The following FSIP1 variants were observed in gnomAD, a reference collection of about 807,000 sequenced individuals.
FSIP1 encodes fibrous sheath-interacting protein 1.
FSIP1 carries 65 observed loss-of-function variants against 60.9 expected under a neutral mutation model. The ratio of observed to expected loss-of-function variants is 1.07; its 90% CI spans 0.87 to 1.31. FSIP1 has a LOEUF of 1.31. FSIP1 is among the 40% of genes most tolerant of loss of function. The pLI, the probability that FSIP1 is intolerant of heterozygous loss-of-function variation, is 0.00. For synonymous variants in FSIP1, 209 were observed against 221.2 expected, an observed-to-expected ratio of 0.94 and a Z score of 0.49; for missense variants, 675 against 665.5, an observed-to-expected ratio of 1.01 and a Z score of -0.16.
chr15:39,649,566 C>T (rs1405472886), intron 10 of FSIP1, among the ~76,000 whole-genome samples: 1 of 152,194 alleles, frequency 6.6e-6, no homozygotes, highest in African/African-American at 2.4e-5. Flanking sequence ...AATATGTGAC[C>T]TACTACTACC....
chr15:39,696,063 A>AG (rs1247511884), intron 10 of FSIP1, among the ~76,000 whole-genome samples: 1 of 152,228 alleles, frequency 6.6e-6, no homozygotes, highest in Non-Finnish European at 1.5e-5. Flanking sequence ...AAGTATATAA[A>AG]TGCTTTTGAT....
intron 8 of FSIP1, among the ~76,000 whole-genome samples, chr15:39,736,710 T>A (rs1035604003): frequency 6.6e-6 from 1 of 152,158 alleles, no homozygotes; most frequent in Non-Finnish European, 1.5e-5. Context: ...ATGTGGAAAC[T>A]AAGACAAGGA....
At position 39,720,840 on chromosome 15, in the gene FSIP1, T is replaced by A. The variant is rs74008682; in HGVS notation, c.1050+5749A>T. Among the ~76,000 whole-genome samples, 1,223 of 152,256 alleles carry A rather than the reference T, an allele frequency of 8.0e-3. 17 individuals carry two copies. The highest frequency in any genetic ancestry group is 0.025 in the African/African-American group (1,052 of 41,540). On this transcript the variant is annotated intron_variant, in intron 9 of 11. Transcript: ENST00000350221. ...AAAGTATGCACAGTTAAACCACAGA[T>A]CTTAAGAAAAAATTGCTTCAATTAG...
At chr15:39,780,490 G>A (rs185875684) in intron 1 of FSIP1, among the ~76,000 whole-genome samples, 2 of 152,054 alleles carry the variant, frequency 1.3e-5, no homozygotes, top group Admixed American at 6.6e-5. Context: ...GCACCACTCC[G>A]GCCTGGGCAA....
At chr15:39,687,992 G>A (rs1037294493) in intron 10 of FSIP1, among the ~76,000 whole-genome samples, 5 of 152,148 alleles carry the variant, frequency 3.3e-5, no homozygotes, top group African/African-American at 4.8e-5. Flanking sequence ...CTAGGAATCA[G>A]AAGAGAGGCA....
chr15:39,622,066 C>T (rs979700446), intron 10 of FSIP1, among the ~76,000 whole-genome samples: 1 of 152,204 alleles, frequency 6.6e-6, no homozygotes, highest in Non-Finnish European at 1.5e-5. Flanking sequence ...GTTAAGGAAT[C>T]ATCTAACCCA....
intron 10 of FSIP1, among the ~76,000 whole-genome samples, chr15:39,707,483 C>T (rs1895324111): frequency 6.6e-6 from 1 of 152,066 alleles, no homozygotes; most frequent in African/African-American, 2.4e-5. Context: ...TTTCTTTCAC[C>T]CCAAGTCAGG....
chr15:39,695,056 A>T (rs1269919985), intron 10 of FSIP1, among the ~76,000 whole-genome samples: 1 of 152,158 alleles, frequency 6.6e-6, no homozygotes, highest in Non-Finnish European at 1.5e-5. Flanking sequence ...AGGGTTTTAG[A>T]GCTCTGTCTT....
At chr15:39,779,384 G>T (rs1397437616) in intron 1 of FSIP1, among the ~76,000 whole-genome samples, 2 of 152,040 alleles carry the variant, frequency 1.3e-5, no homozygotes, top group Non-Finnish European at 2.9e-5. Flanking sequence ...TTGTCCCCTT[G>T]CTTATCTGTA....
intron 2 of FSIP1, among the ~76,000 whole-genome samples, chr15:39,775,172 T>C (rs970607497): frequency 2.6e-5 from 4 of 152,130 alleles, no homozygotes; most frequent in African/African-American, 9.7e-5. Context: ...TGTGCCACCA[T>C]GTCCTGCTAA....
At chr15:39,616,262 C>T (rs1891226398) in intron 11 of FSIP1, among the ~76,000 whole-genome samples, 1 of 152,144 alleles carries the variant, frequency 6.6e-6, no homozygotes, top group African/African-American at 2.4e-5. Context: ...ACTGGTTATA[C>T]ATTTAAATTC....
In FSIP1 at chr15:39,600,907, A is replaced by G; in HGVS notation, c.1719T>C (p.Asp573=). The G allele has an allele frequency of 6.2e-7, 1 of 1,611,560 alleles. No homozygotes were observed. Among genetic ancestry groups the G allele is most frequent in the Non-Finnish European group, 8.5e-7 (1 of 1,179,146 alleles). ...AGGGTTCTTTACATTCTTCTGCTGC[A>G]TCTTTAGTCTCCTGCTCATCTGCAC... The part of the protein sequence containing the change: ...NTIADEQETK[D]AAEECKEP Residue 573 remains aspartate (D), a synonymous_variant, in exon 12 of 12, where the codon GAT becomes GAC. Coordinates refer to ENST00000350221, the MANE Select transcript of FSIP1 (RefSeq NM_152597.5).
intron 5 of FSIP1, among the ~76,000 whole-genome samples, chr15:39,749,675 C>A (rs184569760): frequency 2.0e-5 from 3 of 151,704 alleles, no homozygotes; most frequent in Non-Finnish European, 4.4e-5. Context: ...TTCCTGAAGG[C>A]CATTTATAAA....
At chr15:39,671,235 A>G (rs1026853704) in intron 10 of FSIP1, among the ~76,000 whole-genome samples, 1 of 152,184 alleles carries the variant, frequency 6.6e-6, no homozygotes, top group Non-Finnish European at 1.5e-5. Context: ...TTTATTTGTC[A>G]ATTTTTTGGT....
intron 9 of FSIP1, among the ~76,000 whole-genome samples, chr15:39,718,348 T>C (rs1237055608): frequency 6.6e-6 from 1 of 152,088 alleles, no homozygotes; most frequent in African/African-American, 2.4e-5. Context: ...ATAGTCTGTG[T>C]GCGTATAGAG....
At chr15:39,628,707 A>C (rs1404057605) in intron 10 of FSIP1, among the ~76,000 whole-genome samples, 1 of 152,210 alleles carries the variant, frequency 6.6e-6, no homozygotes, top group Non-Finnish European at 1.5e-5. Context: ...TACCCTTACC[A>C]ACAGCAGAAG....
chr15:39,694,693 A>G (rs899829409), intron 10 of FSIP1, among the ~76,000 whole-genome samples: 9 of 151,980 alleles, frequency 5.9e-5, no homozygotes, highest in Admixed American at 5.9e-4. Flanking sequence ...CCAGCTACTC[A>G]GGAGGCCGAG....
chr15:39,602,829 C>G (rs1284891052), intron 11 of FSIP1, among the ~76,000 whole-genome samples: 1 of 152,182 alleles, frequency 6.6e-6, no homozygotes, highest in Admixed American at 6.5e-5. Context: ...TCCTGAAGCT[C>G]TTACTATGTT....
chr15:39,673,939 G>T (rs1893820804), intron 10 of FSIP1, among the ~76,000 whole-genome samples: 1 of 151,646 alleles, frequency 6.6e-6, no homozygotes, highest in Non-Finnish European at 1.5e-5. Flanking sequence ...AGGAGAAAAA[G>T]GATGTCATAT....
Sources: allele counts gnomAD v4.1 joint callset (sites outside exome capture counted in the v4.1 genomes callset), GRCh38; gene constraint gnomAD v4.1.1; transcripts MANE v1.5; gene names NCBI Gene and HGNC (gene_info 2026-07-23, HGNC 2026-07-21).